The following KLRG1 variants were observed in gnomAD, a reference collection of about 807,000 sequenced individuals.
The protein encoded by KLRG1 is killer cell lectin-like receptor subfamily G member 1.
Under a neutral mutation model 21.8 loss-of-function variants are expected in KLRG1, and 16 were observed. That is an observed-to-expected ratio of 0.73 (90% CI 0.50 to 1.11). The LOEUF is 1.11. KLRG1 is among the 50% of genes most tolerant of loss of function. The pLI is 0.00. For missense variants in KLRG1, 173 were observed against 218.3 expected (o/e 0.79, Z 1.31); for synonymous variants, 69 against 75.9 (o/e 0.91, Z 0.47).
the KLRG1 span, chr12:9,069,892 G>A: frequency 8.3e-7 from 1 of 1,211,882 alleles, no homozygotes; most frequent in Non-Finnish European, 1.2e-6. Context: ...TCTTTGTATT[G>A]CCAAAATAAC....
At chr12:9,147,274 G>C in the KLRG1 span, among the ~76,000 whole-genome samples, 1 of 152,168 alleles carries the variant, frequency 6.6e-6, no homozygotes, top group African/African-American at 2.4e-5. Context: ...GCTAGACTGT[G>C]CTTGTCCTGT....
the KLRG1 span, among the ~76,000 whole-genome samples, chr12:9,035,951 G>A: frequency 2.0e-5 from 3 of 152,298 alleles, no homozygotes; most frequent in East Asian, 5.8e-4. Flanking sequence ...CATTTAGTAT[G>A]CAGGGAGGCA....
chr12:9,209,429 T>TTA, the KLRG1 span, among the ~76,000 whole-genome samples: 189 of 151,282 alleles, frequency 1.2e-3, 1 homozygote, highest in African/African-American at 3.3e-3. Flanking sequence ...TTATGAAATG[T>TTA]TATATATATA....
At chr12:9,079,458 T>G in the KLRG1 span, 1 of 1,156,390 alleles carries the variant, frequency 8.6e-7, no homozygotes, top group Non-Finnish European at 1.3e-6. Flanking sequence ...ATTAGGAGTT[T>G]CTGAGCCTTA....
the KLRG1 span, chr12:9,068,007 T>G: frequency 3.1e-6 from 3 of 968,498 alleles, no homozygotes; most frequent in Non-Finnish European, 4.8e-6. Context: ...ATGGACTCTC[T>G]GAGGTTTGAC....
chr12:9,162,697 CAA>C, the KLRG1 span: 1 of 1,388,098 alleles, frequency 7.2e-7, no homozygotes, highest in Non-Finnish European at 1.0e-6. Context: ...ATCCTGGTGA[CAA>C]GAGAACCACA....
the KLRG1 span, among the ~76,000 whole-genome samples, chr12:9,116,652 T>C: frequency 6.6e-6 from 1 of 152,198 alleles, no homozygotes; most frequent in Non-Finnish European, 1.5e-5. Flanking sequence ...ATATAAATGA[T>C]TTCATTAATC....
chr12:9,091,154 T>A, the KLRG1 span: 2 of 1,585,040 alleles, frequency 1.3e-6, no homozygotes, highest in African/African-American at 1.3e-5. Context: ...CAACTTTTAA[T>A]TTACTTGATG....
the KLRG1 span, chr12:9,069,806 C>T: frequency 6.2e-7 from 1 of 1,613,440 alleles, no homozygotes. Context: ...ATGGTTAGAT[C>T]TTTCAAGCTG....
At chr12:9,020,997 G>A in the KLRG1 span, among the ~76,000 whole-genome samples, 1 of 152,090 alleles carries the variant, frequency 6.6e-6, no homozygotes, top group African/African-American at 2.4e-5. Context: ...GCAAGTTACT[G>A]TACTAAATAC....
downstream of KLRG1, among the ~76,000 whole-genome samples, chr12:9,012,524 G>A (rs1262213923): frequency 2.0e-5 from 3 of 151,842 alleles, no homozygotes; most frequent in East Asian, 3.9e-4. Flanking sequence ...AGTGCCATGC[G>A]GCTTCCAGTG....
At chr12:9,145,987 T>G in the KLRG1 span, among the ~76,000 whole-genome samples, 1 of 152,214 alleles carries the variant, frequency 6.6e-6, no homozygotes, top group African/African-American at 2.4e-5. Flanking sequence ...TTTTGATAAT[T>G]TAATGATTAT....
At chr12:8,969,331 G>C (rs112090466) in intron 1 of KLRG1, among the ~76,000 whole-genome samples, 121 of 152,294 alleles carry the variant, frequency 7.9e-4, no homozygotes, top group African/African-American at 2.7e-3. Context: ...ACCTCTTTCT[G>C]GAAGTTGCCA....
At chr12:9,024,315 C>G in the KLRG1 span, among the ~76,000 whole-genome samples, 1 of 152,114 alleles carries the variant, frequency 6.6e-6, no homozygotes, top group East Asian at 1.9e-4. Context: ...GTGTGAGCCA[C>G]CGTGCCTGGC....
the KLRG1 span, chr12:9,162,709 A>G: frequency 7.7e-7 from 1 of 1,297,632 alleles, no homozygotes; most frequent in Non-Finnish European, 1.1e-6. Context: ...AGAGAACCAC[A>G]TGGATTCCTT....
At chr12:9,040,269 T>A in the KLRG1 span, among the ~76,000 whole-genome samples, 1 of 152,202 alleles carries the variant, frequency 6.6e-6, no homozygotes, top group African/African-American at 2.4e-5. Context: ...AACAATAGTA[T>A]ATAATTTAAC....
At chr12:9,168,384 G>A in the KLRG1 span, 1 of 152,492 alleles carries the variant, frequency 6.6e-6, no homozygotes, top group Non-Finnish European at 1.5e-5. Flanking sequence ...AAGTAGACCT[G>A]GTGATGGGAC....
the KLRG1 span, among the ~76,000 whole-genome samples, chr12:9,081,622 C>A: frequency 6.6e-6 from 1 of 152,204 alleles, no homozygotes; most frequent in Non-Finnish European, 1.5e-5. Context: ...GAAGAATGGT[C>A]TCACTTTGAC....
chr12:9,197,001 C>T, the KLRG1 span: 56 of 1,559,146 alleles, frequency 3.6e-5, no homozygotes, highest in East Asian at 3.8e-4. Context: ...GGGAGAATAC[C>T]GCCTACTAAC....
Sources: allele counts gnomAD v4.1 joint callset (sites outside exome capture counted in the v4.1 genomes callset), GRCh38; gene constraint gnomAD v4.1.1; transcripts MANE v1.5; gene names NCBI Gene and HGNC (gene_info 2026-07-23, HGNC 2026-07-21).